Variants in LRRIQ1 observed in about 807,000 individuals in gnomAD.
LRRIQ1 encodes the protein leucine rich repeats and IQ motif containing 1, also known as leucine-rich repeat- and IQ domain-containing protein 1.
A neutral mutation model predicts 211.9 loss-of-function variants in LRRIQ1; 210 were observed. That is an observed-to-expected ratio of 0.99 (90% confidence interval 0.89 to 1.11). LRRIQ1 has a LOEUF of 1.11. Among genes scored for constraint, LRRIQ1 ranks in the 50% most tolerant of loss-of-function variants. The pLI, the probability that LRRIQ1 is intolerant of heterozygous loss-of-function variation, is 0.00. For synonymous variants in LRRIQ1, 699 were observed against 650.1 expected (o/e 1.08, Z -1.14); for missense variants, 2,136 against 1,939.5 (o/e 1.10, Z -1.90).
At chr12:85,041,969 C>G (rs1270055361) in intron 3 of LRRIQ1, among the ~76,000 whole-genome samples, 1 of 151,736 alleles carries the variant, frequency 6.6e-6, no homozygotes, top group Non-Finnish European at 1.5e-5. Context: ...TCCCGAACAC[C>G]AGCATGAATT....
intron 24 of LRRIQ1, among the ~76,000 whole-genome samples, chr12:85,224,700 C>T (rs953731807): frequency 2.4e-5 from 3 of 123,528 alleles, no homozygotes; most frequent in African/African-American, 9.7e-5. Flanking sequence ...CATATGGACA[C>T]AGGGAGGGGG....
chr12:85,223,943 T>C (rs1483436470), intron 24 of LRRIQ1, among the ~76,000 whole-genome samples: 1 of 152,078 alleles, frequency 6.6e-6, no homozygotes, highest in African/African-American at 2.4e-5. Context: ...ATCAGCAGTT[T>C]AAAAATATAT....
intron 15 of LRRIQ1, among the ~76,000 whole-genome samples, chr12:85,108,497 A>G (rs765462731): frequency 2.0e-5 from 3 of 152,072 alleles, no homozygotes; most frequent in Non-Finnish European, 4.4e-5. Flanking sequence ...TTCTGCCTTC[A>G]GTTTCTACTG....
intron 11 of LRRIQ1, among the ~76,000 whole-genome samples, chr12:85,097,745 C>T (rs1886015934): frequency 6.6e-6 from 1 of 152,162 alleles, no homozygotes; most frequent in African/African-American, 2.4e-5. Context: ...CATGCTAACT[C>T]CTGATGGCTG....
chr12:85,089,529 G>A (rs1885165102), intron 11 of LRRIQ1, among the ~76,000 whole-genome samples: 1 of 152,126 alleles, frequency 6.6e-6, no homozygotes, highest in Admixed American at 6.5e-5. Context: ...AAACTTATGG[G>A]GAATTGGCAA....
chr12:85,083,870 T>C (rs548428120), intron 11 of LRRIQ1, among the ~76,000 whole-genome samples: 33 of 152,328 alleles, frequency 2.2e-4, no homozygotes, highest in African/African-American at 7.9e-4. Context: ...TTGTTTTCTG[T>C]GCATTTGGAA....
chr12:85,261,466 T>A lies in LRRIQ1; in HGVS notation c.122-1449T>A, dbSNP rs144497487. The stretch of plus-strand genomic sequence containing the variant: ...TACAGACCAATTTCCTCAAATGGCC[T>A]AATGTTTGCTGACTCTTCTATTTGA... On this transcript the variant is annotated intron_variant, in intron 1 of 1. Coordinates refer to the LRRIQ1 transcript ENST00000602731. 4.6e-3 allele frequency among the ~76,000 whole-genome samples: 702 copies of A among 152,234 alleles called. 3 individuals carry two copies. The highest frequency in any genetic ancestry group is 0.016 in the African/African-American group (671 of 41,568).
chr12:85,156,423 A>G (rs2136695469), intron 23 of LRRIQ1, among the ~76,000 whole-genome samples: 1 of 151,942 alleles, frequency 6.6e-6, no homozygotes, highest in African/African-American at 2.4e-5. Flanking sequence ...CATTTTGTCT[A>G]TCTTCTGTTC....
intron 24 of LRRIQ1, 126 bp from the exon 25 acceptor site, chr12:85,229,391 A>G (rs1160540457): frequency 1.3e-5 from 9 of 697,950 alleles, no homozygotes; most frequent in Non-Finnish European, 2.0e-5. Context: ...TTTCTTACAG[A>G]TTTAGCTCTC....
At chr12:85,268,410 C>A (rs1896467219), downstream of LRRIQ1, among the ~76,000 whole-genome samples, 2 of 151,922 alleles carry the variant, frequency 1.3e-5, no homozygotes, top group African/African-American at 4.8e-5. Context: ...ATGCTCTATA[C>A]TCAAAAATAC....
At chr12:85,172,936 A>C (rs1461935522) in intron 24 of LRRIQ1, among the ~76,000 whole-genome samples, 2 of 151,704 alleles carry the variant, frequency 1.3e-5, no homozygotes, top group Non-Finnish European at 2.9e-5. Context: ...GTGAAACCCC[A>C]TCTCTACTAA....
At chr12:85,210,209 A>G (rs1307180975) in intron 24 of LRRIQ1, among the ~76,000 whole-genome samples, 1 of 152,170 alleles carries the variant, frequency 6.6e-6, no homozygotes. Context: ...TTATGTATGA[A>G]TTGGTCAAAA....
intron 24 of LRRIQ1, among the ~76,000 whole-genome samples, chr12:85,213,232 G>A (rs997752483): frequency 3.3e-5 from 5 of 151,478 alleles, no homozygotes; most frequent in African/African-American, 9.7e-5. Flanking sequence ...ACACATTGGG[G>A]GGAAAAATTA....
intron 24 of LRRIQ1, among the ~76,000 whole-genome samples, chr12:85,172,274 ACT>A (rs1220614242): frequency 1.3e-5 from 2 of 152,104 alleles, no homozygotes; most frequent in East Asian, 1.9e-4. Context: ...CTCATAGGAC[ACT>A]CTGTATTTCT....
intron 24 of LRRIQ1, among the ~76,000 whole-genome samples, chr12:85,175,605 C>G (rs1891658286): frequency 6.6e-6 from 1 of 152,044 alleles, no homozygotes; most frequent in Non-Finnish European, 1.5e-5. Context: ...AATGGTAATG[C>G]CTAGGTTTTC....
chr12:85,211,547 G>T (rs1271326974), intron 24 of LRRIQ1, among the ~76,000 whole-genome samples: 1 of 152,098 alleles, frequency 6.6e-6, no homozygotes, highest in Non-Finnish European at 1.5e-5. Flanking sequence ...GAAAGTATTG[G>T]AATCACACAA....
chr12:85,063,180 C>T (rs1388252962), intron 8 of LRRIQ1, among the ~76,000 whole-genome samples: 1 of 150,954 alleles, frequency 6.6e-6, no homozygotes, highest in Non-Finnish European at 1.5e-5. Flanking sequence ...TTTCTCTAGC[C>T]GTGCAGAAGC....
chr12:85,143,268 G>A (rs1343833791), intron 19 of LRRIQ1, among the ~76,000 whole-genome samples: 2 of 151,644 alleles, frequency 1.3e-5, no homozygotes, highest in African/African-American at 2.4e-5. Flanking sequence ...TTTAAGAAAT[G>A]TCTGTTCAGG....
At chr12:85,054,103 T>G (rs1362697031) in intron 7 of LRRIQ1, among the ~76,000 whole-genome samples, 4 of 152,222 alleles carry the variant, frequency 2.6e-5, no homozygotes, top group Non-Finnish European at 5.9e-5. Flanking sequence ...AGCTTTAGGA[T>G]TTTTCATTTT....
Sources: gnomAD v4.1 joint callset for allele counts (sites outside exome capture counted in the v4.1 genomes callset) on GRCh38, gnomAD v4.1.1 for gene constraint, MANE v1.5 for transcripts, NCBI Gene and HGNC (gene_info 2026-07-23, HGNC 2026-07-21) for gene names.